The following SERPINB7 variants were observed in gnomAD, a reference collection of about 807,000 sequenced individuals.
SERPINB7 encodes the protein serpin B7.
A neutral mutation model predicts 37.4 loss-of-function variants in SERPINB7; 31 were observed. That is an observed-to-expected ratio of 0.83 (90% confidence interval 0.62 to 1.12). The LOEUF (loss-of-function observed/expected upper bound fraction) is 1.12, where lower values mean the gene tolerates loss of function less well. Ranked by LOEUF, SERPINB7 falls within the 50% of genes most tolerant of loss-of-function variation. SERPINB7 has a pLI of 0.00. For synonymous variants in SERPINB7, 163 were observed against 166.1 expected (o/e 0.98, Z 0.14); for missense variants, 521 against 455.3 (o/e 1.14, Z -1.31).
chr18:63,801,132 T>C, intron 7 of SERPINB7, 120 bp downstream of exon 7: 1 of 932,476 alleles, frequency 1.1e-6, no homozygotes, highest in South Asian at 1.7e-5. Context: ...CTTACCTGCT[T>C]ATTAATTTAT....
chr18:63,804,408 G>A lies in SERPINB7; in HGVS notation c.916G>A (p.Asp306Asn), dbSNP rs2049584181. Residue 306 changes from aspartate (D) to asparagine (N), a missense_variant, in exon 8 of 8, where the codon GAT becomes AAT. Physicochemically the swap from Asp to Asn is conservative, Grantham distance 23. Transcript: ENST00000398019. ...AGATATCTTTGATGAATCCAAAGCA[G>A]ATCTCTCTGGGATTGCTTCGGGGGG... Reference protein sequence around the residue: ...LKDIFDESKADLSGIASGGRL... With the variant: ...LKDIFDESKANLSGIASGGRL... 6.2e-7 allele frequency: 1 copy of A among 1,613,624 alleles called. No individual in the cohort carries two copies. The highest frequency in any genetic ancestry group is 8.5e-7 in the Non-Finnish European group (1 of 1,179,848).
At chr18:63,782,302 A>G (rs748101918) in intron 1 of SERPINB7, 53 bp from the exon 2 acceptor site, 2 of 1,090,122 alleles carry the variant, frequency 1.8e-6, no homozygotes, top group Non-Finnish European at 1.2e-6. Flanking sequence ...TAAAAATATA[A>G]TATTCCTAGA....
At chr18:63,785,098 C>G (rs2049351081) in intron 2 of SERPINB7, among the ~76,000 whole-genome samples, 1 of 152,174 alleles carries the variant, frequency 6.6e-6, no homozygotes, top group South Asian at 2.1e-4. Flanking sequence ...CATGAAGAAA[C>G]ATGTAAGAGG....
intron 6 of SERPINB7, among the ~76,000 whole-genome samples, chr18:63,800,025 T>C (rs1226719445): frequency 6.6e-6 from 1 of 152,032 alleles, no homozygotes; most frequent in Admixed American, 6.6e-5. Context: ...TGCAGGAATC[T>C]CTATTTTTCT....
intron 4 of SERPINB7, among the ~76,000 whole-genome samples, chr18:63,794,814 G>A (rs2049470207): frequency 6.6e-6 from 1 of 152,194 alleles, no homozygotes; most frequent in African/African-American, 2.4e-5. Context: ...CTGTATCCAA[G>A]GAAATCACAC....
intron 2 of SERPINB7, among the ~76,000 whole-genome samples, chr18:63,791,756 G>A (rs111777794): frequency 0.047 from 7,079 of 150,902 alleles, 600 homozygotes; most frequent in African/African-American, 0.16. Context: ...GACTATAGGC[G>A]CCCACCACCA....
chr18:63,802,938 T>C (rs1426282575), intron 7 of SERPINB7, among the ~76,000 whole-genome samples: 1 of 152,188 alleles, frequency 6.6e-6, no homozygotes, highest in Non-Finnish European at 1.5e-5. Context: ...TATGACCATA[T>C]AAAATATTGG....
intron 2 of SERPINB7, among the ~76,000 whole-genome samples, chr18:63,783,186 A>AAGAGAG (rs1200340375): frequency 8.4e-4 from 63 of 75,312 alleles, no homozygotes; most frequent in Non-Finnish European, 1.4e-3. Context: ...GAAAGAAAGA[A>AAGAGAG]AGAGAGAGAG....
intron 1 of SERPINB7, among the ~76,000 whole-genome samples, chr18:63,769,586 T>C (rs969507474): frequency 6.6e-6 from 1 of 152,140 alleles, no homozygotes; most frequent in Non-Finnish European, 1.5e-5. Context: ...CCTGTTTAAA[T>C]CTACTTTTTA....
In SERPINB7 at chr18:63,801,196, G is replaced by A. The variant is rs150462769; in HGVS notation, c.744+184G>A. ...TGAGCCAGACATCATTATAGTTGCT[G>A]AGATTGACTTAACTCAGTTTAGCAT... On this transcript the variant is annotated intron_variant, in intron 7 of 7. Transcript: ENST00000398019. Among the ~76,000 whole-genome samples the A allele has an allele frequency of 9.8e-5, 15 of 152,300 alleles. 1 individual carries two copies. The East Asian group carries it at 2.9e-3, about 29-fold the overall frequency.
At chr18:63,778,755 A>G (rs1308158578) in intron 1 of SERPINB7, among the ~76,000 whole-genome samples, 12 of 152,120 alleles carry the variant, frequency 7.9e-5, no homozygotes, top group Admixed American at 7.9e-4. Flanking sequence ...TAAAGGATGA[A>G]AGGGATAAAA....
At chr18:63,756,715 G>A (rs912863450) in intron 1 of SERPINB7, among the ~76,000 whole-genome samples, 1 of 152,024 alleles carries the variant, frequency 6.6e-6, no homozygotes, top group Non-Finnish European at 1.5e-5. Context: ...GGATCATCTA[G>A]GGTGGGAAGG....
At chr18:63,754,586 G>A (rs997364999) in intron 1 of SERPINB7, among the ~76,000 whole-genome samples, 11 of 152,116 alleles carry the variant, frequency 7.2e-5, no homozygotes, top group African/African-American at 2.7e-4. Context: ...AGAGACTCAG[G>A]TTAGGAGGGT....
In SERPINB7 at chr18:63,790,046, C is replaced by T. The variant is rs557673918; in HGVS notation, c.169-2347C>T. Among the ~76,000 whole-genome samples, 17 of 152,270 alleles carry T rather than the reference C, an allele frequency of 1.1e-4. No homozygotes were observed. The South Asian group carries it at 3.5e-3, about 32-fold the overall frequency. ...GGTGAAAACATGCCATGCATAGTCA[C>T]TATTGAAATAAAAATCACTTGCAAA... On this transcript the variant is annotated intron_variant, in intron 2 of 7. Transcript: ENST00000398019.
chr18:63,755,106 T>G (rs536958856), intron 1 of SERPINB7, among the ~76,000 whole-genome samples: 1 of 151,950 alleles, frequency 6.6e-6, no homozygotes, highest in African/African-American at 2.4e-5. Flanking sequence ...GGGTTTCACC[T>G]TGTTAGCCAG....
rs1482110482 is a variant in SERPINB7 at position 63,804,497 on chromosome 18, G to A, written c.1005G>A (p.Glu335=). ...SYIEVTEEGT[E]ATAATGSNIV... is the part of the protein sequence containing the mutation. ...TAGAGGTCACTGAGGAGGGCACCGA[G>A]GCTACTGCTGCCACAGGAAGTAATA... is the stretch of plus-strand genomic sequence containing the variant. The change falls in exon 8 of 8, where the codon GAG becomes GAA. Residue 335 remains glutamate (E), a synonymous_variant. Coordinates refer to ENST00000398019, the MANE Select transcript of SERPINB7 (RefSeq NM_003784.4). 1 of 1,613,738 alleles carries A rather than the reference G, an allele frequency of 6.2e-7. No homozygotes were observed. The highest frequency in any genetic ancestry group is 8.5e-7 in the Non-Finnish European group (1 of 1,179,862).
intron 1 of SERPINB7, chr18:63,778,131 A>G (rs1434736178): frequency 6.6e-6 from 1 of 152,080 alleles, no homozygotes; most frequent in Non-Finnish European, 1.5e-5. Flanking sequence ...CTTTGAAGAG[A>G]TAAGTAGGGA....
At chr18:63,791,411 G>T (rs572590808) in intron 2 of SERPINB7, among the ~76,000 whole-genome samples, 1 of 152,206 alleles carries the variant, frequency 6.6e-6, no homozygotes, top group East Asian at 1.9e-4. Context: ...TCATTGGTGG[G>T]AAATGTTGAT....
chr18:63,772,048 T>C (rs2049214560), upstream of SERPINB7, among the ~76,000 whole-genome samples: 1 of 152,012 alleles, frequency 6.6e-6, no homozygotes, highest in African/African-American at 2.4e-5. Context: ...GGACGTTGTA[T>C]AGAGATTATT....
Sources: gnomAD v4.1 joint callset for allele counts (sites outside exome capture counted in the v4.1 genomes callset) on GRCh38, gnomAD v4.1.1 for gene constraint, MANE v1.5 for transcripts, NCBI Gene and HGNC (gene_info 2026-07-23, HGNC 2026-07-21) for gene names.